Variants in EVL observed in about 807,000 individuals in gnomAD.
EVL encodes the protein Enah/Vasp-like, also known as ena/VASP-like protein.
EVL carries 21 observed loss-of-function variants against 59.6 expected under a neutral mutation model. The ratio of observed to expected loss-of-function variants is 0.35; its 90% CI spans 0.25 to 0.51. The LOEUF is 0.51. Among genes scored for constraint, EVL ranks in the 20% least tolerant of loss-of-function variants. The pLI is 0.97. For synonymous variants in EVL, 198 were observed against 203.5 expected, an observed-to-expected ratio of 0.97 and a Z score of 0.23; for missense variants, 462 against 546.6, an observed-to-expected ratio of 0.85 and a Z score of 1.54.
intron 1 of EVL, chr14:100,074,986 T>C (rs570506299): frequency 1.6e-4 from 25 of 152,356 alleles, no homozygotes; most frequent in African/African-American, 5.8e-4. Context: ...GGCCTCCAGA[T>C]GGCAGGAGGC....
intron 1 of EVL, among the ~76,000 whole-genome samples, chr14:100,083,606 A>G (rs2062362791): frequency 6.6e-6 from 1 of 152,138 alleles, no homozygotes; most frequent in Admixed American, 6.5e-5. Flanking sequence ...TAATTTTAGT[A>G]ATGACTATTT....
intron 1 of EVL, among the ~76,000 whole-genome samples, chr14:100,067,249 T>C (rs907957135): frequency 4.6e-5 from 7 of 152,222 alleles, no homozygotes; most frequent in Admixed American, 2.0e-4. Context: ...TTTTTCCTCA[T>C]GCTGACTGAC....
At chr14:100,058,599 A>G (rs1267664338) in intron 1 of EVL, among the ~76,000 whole-genome samples, 3 of 152,182 alleles carry the variant, frequency 2.0e-5, no homozygotes, top group Non-Finnish European at 4.4e-5. Context: ...TTGCCCTGAC[A>G]TGAACGATTT....
intron 1 of EVL, among the ~76,000 whole-genome samples, chr14:100,055,951 A>G (rs2061724998): frequency 6.6e-6 from 1 of 152,200 alleles, no homozygotes; most frequent in Admixed American, 6.5e-5. Context: ...AGCTGGGATT[A>G]CAGGTGCATG....
chr14:100,096,651 T>G (rs1490294205), intron 2 of EVL, among the ~76,000 whole-genome samples: 1 of 152,192 alleles, frequency 6.6e-6, no homozygotes, highest in Non-Finnish European at 1.5e-5. Context: ...CCAGCATCTT[T>G]TCCTCCAGGG....
At chr14:100,040,137 G>C (rs2061445929) in intron 1 of EVL, among the ~76,000 whole-genome samples, 1 of 152,178 alleles carries the variant, frequency 6.6e-6, no homozygotes, top group Non-Finnish European at 1.5e-5. Flanking sequence ...GTGGCACTTG[G>C]ACAGCCTTAG....
intron 3 of EVL, among the ~76,000 whole-genome samples, chr14:100,099,199 A>G (rs949067833): frequency 6.6e-6 from 1 of 151,308 alleles, no homozygotes; most frequent in Non-Finnish European, 1.5e-5. Context: ...AAAAAAAAAA[A>G]GAAAAAGTGT....
At chr14:100,129,757 G>A (rs1308682050) in intron 7 of EVL, 73 bp downstream of exon 7, 3 of 1,448,828 alleles carry the variant, frequency 2.1e-6, no homozygotes, top group African/African-American at 2.9e-5. Context: ...GCGCTGCACA[G>A]AGAATCCTCT....
chr14:99,976,513 A>G (rs927764006), intron 1 of EVL, among the ~76,000 whole-genome samples: 3 of 149,728 alleles, frequency 2.0e-5, no homozygotes, highest in South Asian at 2.1e-4. Flanking sequence ...ATTTTCATTC[A>G]TATTGTCTTG....
At chr14:100,037,053 C>T (rs1403576857) in intron 1 of EVL, among the ~76,000 whole-genome samples, 3 of 152,178 alleles carry the variant, frequency 2.0e-5, no homozygotes, top group African/African-American at 7.2e-5. Flanking sequence ...GCAAACCTGC[C>T]AACACCTTCC....
At chr14:99,992,637 T>C (rs1481526579) in intron 1 of EVL, among the ~76,000 whole-genome samples, 3 of 152,260 alleles carry the variant, frequency 2.0e-5, no homozygotes, top group Non-Finnish European at 4.4e-5. Flanking sequence ...CCTCATTCTT[T>C]GGCATATGAA....
chr14:100,136,028 A>T lies in EVL; in HGVS notation c.964+60A>T, dbSNP rs187784546. On this transcript the variant is annotated intron_variant, in intron 9 of 13. Coordinates refer to ENST00000392920, the MANE Select transcript of EVL (RefSeq NM_016337.3). ...ATGAGGTCTCAGAGTGGGAGGGGGG[A>T]CCCTTCGGACAGGACCCTCTGATCC... 4.4e-6 allele frequency: 7 copies of T among 1,576,394 alleles called. No homozygotes were observed. The East Asian group carries it at 1.1e-4, about 25-fold the overall frequency.
chr14:100,087,365 A>G (rs1004464491), intron 2 of EVL, among the ~76,000 whole-genome samples: 1 of 152,168 alleles, frequency 6.6e-6, no homozygotes, highest in Non-Finnish European at 1.5e-5. Context: ...TGTAATCCCA[A>G]CACTTTGGGA....
chr14:99,998,467 A>G (rs554799775), intron 1 of EVL, among the ~76,000 whole-genome samples: 5 of 152,172 alleles, frequency 3.3e-5, no homozygotes, highest in Non-Finnish European at 5.9e-5. Context: ...TATTTTGTAC[A>G]AGCATTGTTA....
chr14:100,073,356 CTG>C lies in EVL; in HGVS notation c.11+7847_11+7848del, dbSNP rs544743125. On this transcript the variant is annotated intron_variant, in intron 1 of 13. Transcript: ENST00000392920. ...TTTTTTGGGGAGACAGGGTCTTGCT[CTG>C]TCACCCAGGATGGAGTGCAGTGGTG... 5.5e-5 allele frequency among the ~76,000 whole-genome samples: 8 copies of C among 145,542 alleles called. No individual in the cohort carries two copies. The East Asian group carries it at 1.6e-3, about 29-fold the overall frequency.
At chr14:100,079,196 C>T (rs2062235759) in intron 1 of EVL, among the ~76,000 whole-genome samples, 1 of 152,220 alleles carries the variant, frequency 6.6e-6, no homozygotes, top group Non-Finnish European at 1.5e-5. Flanking sequence ...GCTGTGGTTT[C>T]CTGACTCGCC....
At chr14:100,134,644 T>C (rs535907371) in intron 8 of EVL, 8 of 152,186 alleles carry the variant, frequency 5.3e-5, no homozygotes, top group Non-Finnish European at 1.2e-4. Flanking sequence ...TTTCCCCAAT[T>C]CTCTGCAGTG....
Position 100,097,489 on chromosome 14 carries a change from C to T in EVL, c.189C>T (p.Ile63=), listed in dbSNP as rs772205027. 4 of 1,605,212 alleles carry T rather than the reference C, an allele frequency of 2.5e-6. No homozygotes were observed. The highest frequency in any genetic ancestry group is 1.7e-5 in the Admixed American group (1 of 57,532). Residue 63 remains isoleucine, a synonymous_variant, in exon 3 of 14, where the codon ATC becomes ATT. Coordinates refer to ENST00000392920, the MANE Select transcript of EVL (RefSeq NM_016337.3). ...GVKLQDQQVV[I]NYSIVKGLKY... ...TCTCCTTTCTCCTCCAGGTTGTGAT[C>T]AATTATTCAATCGTGAAAGGGCTGA...
chr14:99,999,320 C>T (rs536040916), intron 1 of EVL, among the ~76,000 whole-genome samples: 57 of 152,318 alleles, frequency 3.7e-4, no homozygotes, highest in Middle Eastern at 6.8e-3. Flanking sequence ...GTGTGATCAG[C>T]TCTGCCACTT....
Sources: allele counts gnomAD v4.1 joint callset (sites outside exome capture counted in the v4.1 genomes callset), GRCh38; gene constraint gnomAD v4.1.1; transcripts MANE v1.5; gene names NCBI Gene and HGNC (gene_info 2026-07-23, HGNC 2026-07-21).